The following NLGN1 variants were observed in gnomAD, a reference collection of about 807,000 sequenced individuals.
NLGN1 encodes the protein neuroligin-1.
NLGN1 carries 12 observed loss-of-function variants against 65.5 expected under a neutral mutation model. That is an observed-to-expected ratio of 0.18 (90% confidence interval 0.12 to 0.30). The LOEUF is 0.30. Among genes scored for constraint, NLGN1 ranks in the 10% least tolerant of loss-of-function variants. NLGN1 has a pLI of 1.00. For missense variants in NLGN1, 750 were observed against 1,007.1 expected, an observed-to-expected ratio of 0.74 and a Z score of 3.46; for synonymous variants, 350 against 359.5, an observed-to-expected ratio of 0.97 and a Z score of 0.30.
chr3:173,403,901 AATGT>A (rs778363248), intron 1 of NLGN1, among the ~76,000 whole-genome samples: 7 of 151,988 alleles, frequency 4.6e-5, no homozygotes, highest in Non-Finnish European at 1.0e-4. Context: ...TCCCTGAATG[AATGT>A]ATGTTTGGAA....
At chr3:173,404,248 G>A (rs1458754857) in intron 1 of NLGN1, among the ~76,000 whole-genome samples, 6 of 152,002 alleles carry the variant, frequency 3.9e-5, no homozygotes. Context: ...ACAATGTAAA[G>A]GAAACATAAA....
intron 3 of NLGN1, among the ~76,000 whole-genome samples, chr3:173,622,157 C>A (rs1754097978): frequency 6.6e-6 from 1 of 152,186 alleles, no homozygotes; most frequent in South Asian, 2.1e-4. Flanking sequence ...TTAAAGGCTA[C>A]CCACTGCCAT....
intron 4 of NLGN1, among the ~76,000 whole-genome samples, chr3:174,119,776 C>A (rs1392268381): frequency 6.6e-6 from 1 of 152,178 alleles, no homozygotes; most frequent in East Asian, 1.9e-4. Flanking sequence ...CTGTAGAATA[C>A]TAGTACATCT....
At chr3:174,180,514 G>T (rs76593993) in intron 4 of NLGN1, among the ~76,000 whole-genome samples, 1 of 152,234 alleles carries the variant, frequency 6.6e-6, no homozygotes, top group South Asian at 2.1e-4. Flanking sequence ...GAGGGGCAAA[G>T]GTTGCTAGTC....
At chr3:173,887,753 C>T (rs1465509375) in intron 4 of NLGN1, among the ~76,000 whole-genome samples, 1 of 151,430 alleles carries the variant, frequency 6.6e-6, no homozygotes, top group African/African-American at 2.4e-5. Flanking sequence ...TAAAAATAAC[C>T]AGCTCTAAAA....
At position 173,625,633 on chromosome 3, in the gene NLGN1, A is replaced by G. The variant is rs117379930; in HGVS notation, c.493+20542A>G. The stretch of plus-strand genomic sequence containing the variant: ...GTTTATTAAATAACTTTTATGTACT[A>G]GTTATAGATTAATAATAAATTGATA... On this transcript the variant is annotated intron_variant, in intron 3 of 6. Transcript: ENST00000457714. 1.6e-4 allele frequency among the ~76,000 whole-genome samples: 24 copies of G among 152,278 alleles called. No homozygotes were observed. In the East Asian group the frequency reaches 4.4e-3, roughly 28 times the overall value.
At chr3:173,446,741 G>T (rs573514266) in intron 2 of NLGN1, among the ~76,000 whole-genome samples, 6 of 152,204 alleles carry the variant, frequency 3.9e-5, no homozygotes, top group East Asian at 3.9e-4. Context: ...TCCTGACTTC[G>T]TAATGATTGC....
intron 3 of NLGN1, among the ~76,000 whole-genome samples, chr3:173,689,318 C>G (rs1433379492): frequency 6.6e-6 from 1 of 152,140 alleles, no homozygotes; most frequent in East Asian, 1.9e-4. Context: ...TGTGAGGTAT[C>G]TTGTAAGGAG....
chr3:173,517,741 T>C (rs1577067644), intron 2 of NLGN1, among the ~76,000 whole-genome samples: 1 of 149,702 alleles, frequency 6.7e-6, no homozygotes, highest in African/African-American at 2.5e-5. Context: ...GCACTTTGCT[T>C]TCGCAAATTT....
chr3:173,460,053 T>C (rs1235402151), intron 2 of NLGN1, among the ~76,000 whole-genome samples: 1 of 152,094 alleles, frequency 6.6e-6, no homozygotes, highest in Non-Finnish European at 1.5e-5. Context: ...AAATCAATAT[T>C]TTTTAATTAA....
chr3:173,751,777 C>T (rs1578257707), intron 3 of NLGN1, among the ~76,000 whole-genome samples: 1 of 152,100 alleles, frequency 6.6e-6, no homozygotes, highest in Admixed American at 6.6e-5. Flanking sequence ...CTAAGCACTA[C>T]TCCAGACACT....
intron 3 of NLGN1, among the ~76,000 whole-genome samples, chr3:173,799,802 T>TA (rs911750177): frequency 1.3e-5 from 2 of 151,500 alleles, no homozygotes; most frequent in East Asian, 1.9e-4. Flanking sequence ...TTAATGTTCT[T>TA]AAAAAAAAGA....
intron 3 of NLGN1, among the ~76,000 whole-genome samples, chr3:173,689,214 A>T (rs1015158714): frequency 2.6e-5 from 4 of 152,106 alleles, no homozygotes. Flanking sequence ...GACATGTGGG[A>T]CTGTGCTTGC....
intron 3 of NLGN1, among the ~76,000 whole-genome samples, chr3:173,632,318 A>G (rs1177427491): frequency 6.6e-6 from 1 of 152,170 alleles, no homozygotes; most frequent in Admixed American, 6.6e-5. Context: ...TTGTGCAAAC[A>G]TTTGTTCTGC....
Position 174,229,634 on chromosome 3 carries a change from A to G in NLGN1, c.647-45681A>G, listed in dbSNP as rs115977180. Among the ~76,000 whole-genome samples, 909 of 152,296 alleles carry G rather than the reference A, an allele frequency of 6.0e-3. 22 individuals carry two copies. Among genetic ancestry groups the G allele is most frequent in the East Asian group, 0.03 (157 of 5,184 alleles). ...AAGTAAAAGAAAAAAACTGGCAGATATATGTATTTGCAGGATTTGCTCAAC... is the reference window on the plus strand; with the variant it reads ...AAGTAAAAGAAAAAAACTGGCAGATGTATGTATTTGCAGGATTTGCTCAAC... On this transcript the variant is annotated intron_variant, in intron 4 of 6. Transcript: ENST00000457714.
At chr3:173,865,774 A>G (rs1374030060) in intron 4 of NLGN1, among the ~76,000 whole-genome samples, 1 of 152,192 alleles carries the variant, frequency 6.6e-6, no homozygotes, top group Non-Finnish European at 1.5e-5. Flanking sequence ...CTTCAAAATG[A>G]ATGATCCGAA....
chr3:173,490,961 C>T (rs1729033099), intron 2 of NLGN1, among the ~76,000 whole-genome samples: 2 of 151,356 alleles, frequency 1.3e-5, no homozygotes, highest in African/African-American at 2.5e-5. Context: ...TGAGACTTTG[C>T]TGAAGTTGCT....
intron 4 of NLGN1, among the ~76,000 whole-genome samples, chr3:174,153,292 T>C (rs1724751385): frequency 6.6e-6 from 1 of 152,168 alleles, no homozygotes; most frequent in South Asian, 2.1e-4. Context: ...ATGATGATTA[T>C]ACTAATGTAA....
At chr3:174,219,890 G>A (rs948337342) in intron 4 of NLGN1, among the ~76,000 whole-genome samples, 6 of 152,166 alleles carry the variant, frequency 3.9e-5, no homozygotes, top group Admixed American at 3.3e-4. Flanking sequence ...GCGGGCTGCA[G>A]TTCAGTTTTT....
Sources: allele counts gnomAD v4.1 joint callset (sites outside exome capture counted in the v4.1 genomes callset), GRCh38; gene constraint gnomAD v4.1.1; transcripts MANE v1.5; gene names NCBI Gene and HGNC (gene_info 2026-07-23, HGNC 2026-07-21).